The following IRAK2 variants were observed in gnomAD, a reference collection of about 807,000 sequenced individuals.
The protein encoded by IRAK2 is interleukin 1 receptor associated kinase 2.
A neutral mutation model predicts 72.0 loss-of-function variants in IRAK2; 57 were observed. The observed-to-expected ratio is 0.79, with a 90% CI of 0.64 to 0.99. IRAK2 has a LOEUF of 0.99. Ranked by LOEUF, IRAK2 falls within the 50% of genes least tolerant of loss-of-function variation. The probability of loss-of-function intolerance (pLI) is 0.00; values close to 1 mark genes in which losing one functional copy is unlikely to be tolerated. For synonymous variants in IRAK2, 293 were observed against 312.7 expected (o/e 0.94, Z 0.67); for missense variants, 790 against 794.4 (o/e 0.99, Z 0.07).
intron 9 of IRAK2, 99 bp from the exon 10 acceptor site, chr3:10,226,272 G>GC: frequency 1.1e-6 from 1 of 915,490 alleles, no homozygotes; most frequent in East Asian, 2.7e-5. Context: ...TGGCAGAGCT[G>GC]CACCTGGAGC....
At chr3:10,167,753 A>C (rs1282302047) in intron 1 of IRAK2, among the ~76,000 whole-genome samples, 1 of 151,992 alleles carries the variant, frequency 6.6e-6, no homozygotes, top group Non-Finnish European at 1.5e-5. Flanking sequence ...CATGGTATGG[A>C]TATACTACAT....
intron 1 of IRAK2, 115 bp from the exon 2 acceptor site, chr3:10,177,723 G>A (rs1575954645): frequency 1.0e-6 from 1 of 974,804 alleles, no homozygotes; most frequent in Admixed American, 1.9e-5. Context: ...TTCCAGTGTG[G>A]AGGCGGTGGT....
intron 2 of IRAK2, among the ~76,000 whole-genome samples, chr3:10,196,293 T>C (rs933979027): frequency 6.6e-6 from 1 of 152,238 alleles, no homozygotes; most frequent in African/African-American, 2.4e-5. Flanking sequence ...TTTTGTATTT[T>C]TAGTAGAGAC....
In IRAK2 at chr3:10,213,278, G is replaced by A; in HGVS notation, c.600G>A (p.Glu200=). 6.2e-7 allele frequency: 1 copy of A among 1,614,178 alleles called. No individual in the cohort carries two copies. Among genetic ancestry groups the A allele is most frequent in the South Asian group, 1.1e-5 (1 of 91,078 alleles). ...SLAGDSLFWS[E]ADVVQATDDF... is the part of the protein sequence containing the mutation. ...CTGGAGACAGCCTTTTCTGGAGTGA[G>A]GCAGACGTGGTCCAGGCAACCGATG... is the stretch of plus-strand genomic sequence containing the variant. The change falls in exon 5 of 13, where the codon GAG becomes GAA. Residue 200 remains glutamate (E), a synonymous_variant. Coordinates refer to ENST00000256458, the MANE Select transcript of IRAK2 (RefSeq NM_001570.4).
Position 10,234,540 on chromosome 3 carries a change from A to C in IRAK2, c.1354A>C (p.Lys452Gln). The C allele has an allele frequency of 6.2e-7, 1 of 1,614,064 alleles. No individual in the cohort carries two copies. The highest frequency in any genetic ancestry group is 2.2e-5 in the East Asian group (1 of 44,868). Residue 452 changes from lysine (K) to glutamine (Q), a missense_variant, in exon 11 of 13, where the codon AAG (lysine) becomes CAG (glutamine). Transcript: ENST00000256458. Reference protein sequence around the residue: ...RKTGVENVMAKEICQKYLEKG... With the variant: ...RKTGVENVMAQEICQKYLEKG... Reference sequence around the variant, plus strand: ...GACGGGCGTGGAGAACGTGATGGCAAAGGAGATCTGCCAGAAGTACCTGGA... The same window carrying C: ...GACGGGCGTGGAGAACGTGATGGCACAGGAGATCTGCCAGAAGTACCTGGA...
chr3:10,232,786 G>T (rs1697879609), intron 10 of IRAK2, among the ~76,000 whole-genome samples: 2 of 152,072 alleles, frequency 1.3e-5, no homozygotes, highest in South Asian at 4.1e-4. Flanking sequence ...CATTTAGGCT[G>T]GGTGCAGTGG....
chr3:10,197,193 C>A (rs941676329), intron 2 of IRAK2, among the ~76,000 whole-genome samples: 2 of 151,594 alleles, frequency 1.3e-5, no homozygotes, highest in African/African-American at 4.9e-5. Context: ...GCCTGGCCAA[C>A]ATGGTGAAAC....
chr3:10,193,624 A>G (rs935465667), intron 2 of IRAK2, among the ~76,000 whole-genome samples: 7 of 152,204 alleles, frequency 4.6e-5, no homozygotes, highest in African/African-American at 1.7e-4. Context: ...CTCTGCCTCA[A>G]AAACAAAAAC....
At chr3:10,203,474 G>T (rs183053855) in intron 3 of IRAK2, among the ~76,000 whole-genome samples, 233 of 152,246 alleles carry the variant, frequency 1.5e-3, no homozygotes, top group African/African-American at 5.1e-3. Context: ...AAACCCCAAG[G>T]TTCCACTGAG....
intron 3 of IRAK2, among the ~76,000 whole-genome samples, chr3:10,208,712 G>A (rs983228361): frequency 1.3e-5 from 2 of 151,526 alleles, no homozygotes; most frequent in Non-Finnish European, 2.9e-5. Flanking sequence ...GCAGTGAGCC[G>A]AGATTGTGCC....
intron 2 of IRAK2, among the ~76,000 whole-genome samples, chr3:10,178,594 T>C (rs1021016946): frequency 3.3e-5 from 5 of 152,188 alleles, no homozygotes; most frequent in Non-Finnish European, 7.3e-5. Context: ...AAATTTGGGC[T>C]ATCTGTTCCA....
intron 12 of IRAK2, among the ~76,000 whole-genome samples, chr3:10,240,395 T>A (rs1698033538): frequency 6.6e-6 from 1 of 150,788 alleles, no homozygotes; most frequent in Non-Finnish European, 1.5e-5. Flanking sequence ...AGGTGGAGGC[T>A]GCAGTGAGCC....
intron 9 of IRAK2, among the ~76,000 whole-genome samples, 177 bp downstream of exon 9, chr3:10,223,008 G>A (rs1697720829): frequency 6.6e-6 from 1 of 152,192 alleles, no homozygotes; most frequent in Non-Finnish European, 1.5e-5. Context: ...TGTATGGTCT[G>A]TGAGCTAAGG....
At position 10,213,318 on chromosome 3, in the gene IRAK2, C is replaced by G. The variant is rs35060588; in HGVS notation, c.640C>G (p.Arg214Gly). ...VQATDDFNQN[R>G]KISQGTFADV... is the part of the protein sequence containing the mutation. ...GGCAACCGATGACTTCAATCAAAACCGCAAAATCAGCCAGGGGACCTTTGC... is the reference window on the plus strand; with the variant it reads ...GGCAACCGATGACTTCAATCAAAACGGCAAAATCAGCCAGGGGACCTTTGC... The change falls in exon 5 of 13, where the codon CGC (arginine) becomes GGC (glycine). Residue 214 changes from arginine to glycine, a missense_variant. Coordinates refer to ENST00000256458, the MANE Select transcript of IRAK2 (RefSeq NM_001570.4). 96,414 of 1,613,980 alleles carry G rather than the reference C, an allele frequency of 0.06. 3,270 individuals carry two copies. The highest frequency in any genetic ancestry group is 0.064 in the Non-Finnish European group (75,419 of 1,179,952).
chr3:10,211,799 C>T (rs927616648), intron 4 of IRAK2, among the ~76,000 whole-genome samples: 16 of 152,116 alleles, frequency 1.1e-4, no homozygotes, highest in East Asian at 3.9e-4. Context: ...AAATTTAGGC[C>T]GGGCGCGGTG....
Position 10,236,435 on chromosome 3 carries a change from C to G in IRAK2, c.1473+1776C>G, listed in dbSNP as rs190480132. 2.2e-3 allele frequency among the ~76,000 whole-genome samples: 335 copies of G among 149,724 alleles called. 2 individuals are homozygous for G. The highest frequency in any genetic ancestry group is 7.7e-3 in the African/African-American group (314 of 40,814). ...CAATCTCGGCTCACTGCAACCTCCA[C>G]TTTCCAGGTTCAAGCAATTCTCCTG... On this transcript the variant is annotated intron_variant, in intron 11 of 12. Coordinates refer to ENST00000256458, the MANE Select transcript of IRAK2 (RefSeq NM_001570.4).
intron 2 of IRAK2, among the ~76,000 whole-genome samples, chr3:10,197,667 A>C (rs1246525889): frequency 1.3e-5 from 2 of 150,908 alleles, no homozygotes; most frequent in Non-Finnish European, 2.9e-5. Context: ...CCTGGCTAAC[A>C]CGCTGAAACC....
chr3:10,243,470 G>A lies in IRAK2; in HGVS notation c.*1242G>A, dbSNP rs1425724891. On this transcript the variant is annotated 3_prime_UTR_variant, in exon 13 of 13. Coordinates refer to ENST00000256458, the MANE Select transcript of IRAK2 (RefSeq NM_001570.4). ...TTTGTAAGTAAAATAACACCTGCTT[G>A]TTCTTCATCCCTGGGCTGTTGGGAG... The A allele has an allele frequency of 6.6e-6, 1 of 152,582 alleles. No individual in the cohort carries two copies. Among genetic ancestry groups the A allele is most frequent in the Admixed American group, 6.5e-5 (1 of 15,270 alleles). 9.5% of individuals were successfully genotyped at this position (152,582 alleles called of 1,614,324 possible).
intron 8 of IRAK2, among the ~76,000 whole-genome samples, chr3:10,221,965 G>A (rs1433387172): frequency 6.6e-6 from 1 of 152,006 alleles, no homozygotes; most frequent in Admixed American, 6.6e-5. Flanking sequence ...CCAGGCTGGA[G>A]TGCACCTCTG....
Sources: gnomAD v4.1 joint callset for allele counts (sites outside exome capture counted in the v4.1 genomes callset) on GRCh38, gnomAD v4.1.1 for gene constraint, MANE v1.5 for transcripts, NCBI Gene and HGNC (gene_info 2026-07-23, HGNC 2026-07-21) for gene names.